Variants in IL1RAPL2 observed in about 807,000 individuals in gnomAD.
IL1RAPL2 encodes the protein X-linked interleukin-1 receptor accessory protein-like 2.
In IL1RAPL2, 3 loss-of-function variants were observed where a neutral mutation model predicts 44.1. That is an observed-to-expected ratio of 0.07 (90% confidence interval 0.03 to 0.18). The LOEUF (loss-of-function observed/expected upper bound fraction) is 0.18, where lower values mean the gene tolerates loss of function less well. Ranked by LOEUF, IL1RAPL2 falls within the 10% of genes least tolerant of loss-of-function variation. The probability of loss-of-function intolerance (pLI) is 1.00; values close to 1 mark genes in which losing one functional copy is unlikely to be tolerated. For synonymous variants in IL1RAPL2, 181 were observed against 178.8 expected, an observed-to-expected ratio of 1.01 and a Z score of -0.10; for missense variants, 391 against 496.4, an observed-to-expected ratio of 0.79 and a Z score of 2.02.
At chrX:105,674,526 G>T (rs367819257) in intron 6 of IL1RAPL2, among the ~76,000 whole-genome samples, 22 of 111,536 alleles carry the variant, frequency 2.0e-4, no homozygotes, top group African/African-American at 7.2e-4. Context: ...ATTGGTCTGT[G>T]TGTGTTTTTG....
intron 2 of IL1RAPL2, among the ~76,000 whole-genome samples, chrX:104,884,485 A>G (rs1167383449): frequency 9.0e-6 from 1 of 111,361 alleles, no homozygotes; most frequent in African/African-American, 3.3e-5. Flanking sequence ...TGTCTTTCAG[A>G]TGGAAAACAC....
intron 6 of IL1RAPL2, among the ~76,000 whole-genome samples, chrX:105,580,359 CGT>C (rs1345200629): frequency 3.2e-4 from 32 of 100,427 alleles, no homozygotes; most frequent in South Asian, 8.9e-4. Context: ...GTGAACCCCC[CGT>C]GTTTTTTTTT....
intron 2 of IL1RAPL2, among the ~76,000 whole-genome samples, chrX:104,744,973 T>A (rs187378091): frequency 1.8e-5 from 2 of 109,550 alleles, no homozygotes; most frequent in East Asian, 5.8e-4. Flanking sequence ...AATGACTAGA[T>A]CCCCACCCCC....
chrX:104,726,495 G>T (rs1931796051), intron 2 of IL1RAPL2, among the ~76,000 whole-genome samples: 1 of 111,437 alleles, frequency 9.0e-6, no homozygotes, highest in African/African-American at 3.3e-5. Flanking sequence ...TCACAATATT[G>T]ATTCTTCCTA....
In IL1RAPL2 at chrX:104,894,080, G is replaced by A. The variant is rs141909664; in HGVS notation, c.82+235085G>A. Among the ~76,000 whole-genome samples, 707 of 111,557 alleles carry A rather than the reference G, an allele frequency of 6.3e-3. 3 individuals are homozygous for A. Among genetic ancestry groups the A allele is most frequent in the African/African-American group, 0.022 (672 of 30,681 alleles). On this transcript the variant is annotated intron_variant, in intron 2 of 10. Coordinates refer to ENST00000372582, the MANE Select transcript of IL1RAPL2 (RefSeq NM_017416.2). ...TGGCTGGATATGAAATTCTGGGTTG[G>A]AAATTCTTTTCTTAAGTATGTTGGA...
intron 2 of IL1RAPL2, among the ~76,000 whole-genome samples, chrX:104,915,230 G>A (rs1473241432): frequency 9.0e-6 from 1 of 110,917 alleles, no homozygotes; most frequent in Non-Finnish European, 1.9e-5. Flanking sequence ...AGCACCTGTT[G>A]TTTCCTGACT....
intron 2 of IL1RAPL2, among the ~76,000 whole-genome samples, chrX:105,123,517 A>G (rs1168524733): frequency 9.0e-6 from 1 of 111,247 alleles, no homozygotes; most frequent in Non-Finnish European, 1.9e-5. Context: ...CTGGAAAAAA[A>G]GAATGAATCA....
intron 6 of IL1RAPL2, among the ~76,000 whole-genome samples, chrX:105,665,735 TTTTTTTG>T (rs1354160192): frequency 2.0e-4 from 14 of 68,922 alleles, no homozygotes; most frequent in African/African-American, 7.4e-4. Flanking sequence ...TGTTTTTTTG[TTTTTTTG>T]TTTTTTTTTT....
chrX:104,916,838 T>C, intron 2 of IL1RAPL2, among the ~76,000 whole-genome samples: 1 of 111,751 alleles, frequency 8.9e-6, no homozygotes, highest in Non-Finnish European at 1.9e-5. Flanking sequence ...AGGTGGTTTT[T>C]GTCTTTGGTT....
At chrX:104,675,558 A>G (rs1037898143) in intron 2 of IL1RAPL2, among the ~76,000 whole-genome samples, 16 of 111,208 alleles carry the variant, frequency 1.4e-4, no homozygotes, top group African/African-American at 4.9e-4. Context: ...TGTGGTGCTG[A>G]AAAAAATGTA....
At chrX:105,032,058 G>A (rs1178841998) in intron 2 of IL1RAPL2, among the ~76,000 whole-genome samples, 1 of 111,185 alleles carries the variant, frequency 9.0e-6, no homozygotes, top group Non-Finnish European at 1.9e-5. Flanking sequence ...TATTTCTGTG[G>A]GATCGCTGGT....
chrX:105,524,869 G>C (rs1233215906), intron 6 of IL1RAPL2, among the ~76,000 whole-genome samples: 1 of 110,637 alleles, frequency 9.0e-6, no homozygotes, highest in Non-Finnish European at 1.9e-5. Flanking sequence ...GTAAATTGAG[G>C]GTAAAGTAGT....
At chrX:104,906,731 C>T (rs1924022415) in intron 2 of IL1RAPL2, among the ~76,000 whole-genome samples, 2 of 111,775 alleles carry the variant, frequency 1.8e-5, no homozygotes, top group Non-Finnish European at 3.8e-5. Context: ...AAGATTTTTG[C>T]ATCAATGTTC....
chrX:105,386,437 A>G (rs2035477018), intron 5 of IL1RAPL2, among the ~76,000 whole-genome samples: 1 of 111,020 alleles, frequency 9.0e-6, no homozygotes, highest in African/African-American at 3.3e-5. Context: ...GCTATGATGT[A>G]TTTTTGTTCT....
chrX:105,551,018 G>A (rs1028284149), intron 6 of IL1RAPL2, among the ~76,000 whole-genome samples: 20 of 110,760 alleles, frequency 1.8e-4, no homozygotes, highest in African/African-American at 5.6e-4. Context: ...TTCACATTCC[G>A]AAACCAGAGT....
intron 1 of IL1RAPL2, among the ~76,000 whole-genome samples, chrX:104,572,293 G>T (rs762204054): frequency 3.6e-5 from 4 of 111,768 alleles, no homozygotes; most frequent in Non-Finnish European, 7.5e-5. Flanking sequence ...AAATTCTTTA[G>T]CCAGAAGTTT....
chrX:104,676,987 A>C (rs769762855), intron 2 of IL1RAPL2, among the ~76,000 whole-genome samples: 2 of 111,056 alleles, frequency 1.8e-5, no homozygotes, highest in Non-Finnish European at 1.9e-5. Context: ...TGGTTATTCT[A>C]GTTATATATT....
chrX:104,659,568 A>G (rs748927929), intron 2 of IL1RAPL2, among the ~76,000 whole-genome samples: 8 of 112,258 alleles, frequency 7.1e-5, no homozygotes, highest in Admixed American at 6.6e-4. Flanking sequence ...TGTAGCCAGT[A>G]CATAGTCCAG....
Position 104,838,847 on chromosome X carries a change from C to CTT in IL1RAPL2, c.82+179871_82+179872dup, listed in dbSNP as rs3086025. On this transcript the variant is annotated intron_variant, in intron 2 of 10. Coordinates refer to ENST00000372582, the MANE Select transcript of IL1RAPL2 (RefSeq NM_017416.2). ...TCTTTCTTTCTTTCTTTCTTTCTTT[C>CTT]TTTTTTTTTTTTTTTTTTTTGAGGC... Among the ~76,000 whole-genome samples the CTT allele has an allele frequency of 5.3e-3, 192 of 36,265 alleles. 6 individuals are homozygous for CTT. The highest frequency in any genetic ancestry group is 0.012 in the Middle Eastern group (1 of 81). The allele number at this position is 36,265 out of a possible 115,157, so 31.5% of individuals were successfully genotyped here.
Sources: allele counts gnomAD v4.1 joint callset (sites outside exome capture counted in the v4.1 genomes callset), GRCh38; gene constraint gnomAD v4.1.1; transcripts MANE v1.5; gene names NCBI Gene and HGNC (gene_info 2026-07-23, HGNC 2026-07-21).